DGKA: variants seen among roughly 807,000 people sequenced by gnomAD.
DGKA encodes 80 kDa diacylglycerol kinase.
Under a neutral mutation model 105.0 loss-of-function variants are expected in DGKA, and 35 were observed. The observed-to-expected ratio is 0.33, with a 90% CI of 0.25 to 0.44. The LOEUF (loss-of-function observed/expected upper bound fraction) is 0.44, where lower values mean the gene tolerates loss of function less well. Ranked by LOEUF, DGKA falls within the 20% of genes least tolerant of loss-of-function variation. The probability of loss-of-function intolerance (pLI) is 1.00; values close to 1 mark genes in which losing one functional copy is unlikely to be tolerated. For synonymous variants in DGKA, 296 were observed against 332.0 expected (o/e 0.89, Z 1.18); for missense variants, 665 against 915.0 (o/e 0.73, Z 3.53).
At chr12:55,941,946 G>A in intron 15 of DGKA, 52 bp from the exon 16 acceptor site, 1 of 1,590,410 alleles carries the variant, frequency 6.3e-7, no homozygotes, top group Non-Finnish European at 8.6e-7. Context: ...CAGGACTTGG[G>A]TAGCCTCAGT....
Position 55,940,271 on chromosome 12 carries a change from C to T in DGKA, c.799-43C>T. On this transcript the variant is annotated intron_variant, in intron 10 of 23. Transcript: ENST00000331886. The surrounding 1 kb of genome is among the most constrained non-coding windows in gnomAD (Gnocchi z 4.3). ...CCTCAGCCCCTCCCTCCCCTAGGTCCTGCTCAGACCCTGCCAGACAAGGAA... is the reference window on the plus strand; with the variant it reads ...CCTCAGCCCCTCCCTCCCCTAGGTCTTGCTCAGACCCTGCCAGACAAGGAA... 6.2e-7 allele frequency: 1 copy of T among 1,614,268 alleles called. No homozygotes were observed. Among genetic ancestry groups the T allele is most frequent in the Middle Eastern group, 1.6e-4 (1 of 6,062 alleles).
upstream of DGKA, chr12:55,929,306 G>A (rs1883263164): frequency 6.6e-6 from 1 of 152,214 alleles, no homozygotes; most frequent in Admixed American, 6.5e-5. Flanking sequence ...GTGAGAGTGT[G>A]GGATGAAGCC....
intron 22 of DGKA, 80 bp downstream of exon 22, chr12:55,953,240 G>A: frequency 1.9e-6 from 3 of 1,610,058 alleles, no homozygotes; most frequent in Non-Finnish European, 2.5e-6. Flanking sequence ...GGTGGGGAGG[G>A]GCTTTACTAG....
At chr12:55,929,430 C>T (rs564405676), upstream of DGKA, 2 of 152,364 alleles carry the variant, frequency 1.3e-5, no homozygotes, top group South Asian at 2.1e-4. Flanking sequence ...TAAAGTCGCC[C>T]CTGTTCACTA....
chr12:55,939,070 A>G, intron 7 of DGKA, 81 bp downstream of exon 7: 1 of 1,608,548 alleles, frequency 6.2e-7, no homozygotes, highest in Non-Finnish European at 8.5e-7. Flanking sequence ...CATCTCTGAC[A>G]GGCAACCTGG....
In DGKA at chr12:55,939,302, G is replaced by A. The variant is rs1411948472; in HGVS notation, c.591G>A (p.Glu197=). ...TVPLLVLLGL[E]MTLKDDGQHM... ...CACTGCTAGTGCTGCTGGGTCTGGAGATGGTGAGTAGGAGAGACTTTGGGG... is the reference window on the plus strand; with the variant it reads ...CACTGCTAGTGCTGCTGGGTCTGGAAATGGTGAGTAGGAGAGACTTTGGGG... Residue 197 remains glutamate, a synonymous_variant, in exon 8 of 24, where the codon GAG becomes GAA. Transcript: ENST00000331886. 1.2e-6 allele frequency: 2 copies of A among 1,613,952 alleles called. No homozygotes were observed. The highest frequency in any genetic ancestry group is 2.7e-5 in the African/African-American group (2 of 75,066).
At chr12:55,949,671 T>C (rs888417490) in intron 17 of DGKA, among the ~76,000 whole-genome samples, 4 of 152,232 alleles carry the variant, frequency 2.6e-5, no homozygotes, top group Non-Finnish European at 5.9e-5. Context: ...CAACCTGATA[T>C]GCAACAAAAG....
intron 1 of DGKA, chr12:55,936,035 G>C (rs1884623252): frequency 1.0e-6 from 1 of 995,360 alleles, no homozygotes. Flanking sequence ...GATGGGGAGA[G>C]TCTGCAGAGA....
At chr12:55,935,769 C>T (rs1884515714) in intron 1 of DGKA, 2 of 599,856 alleles carry the variant, frequency 3.3e-6, no homozygotes, top group African/African-American at 2.0e-5. Flanking sequence ...TAGTGGAGCT[C>T]CGCGGAACGC....
chr12:55,950,528 G>A (rs926618127), intron 17 of DGKA, among the ~76,000 whole-genome samples: 6 of 150,600 alleles, frequency 4.0e-5, no homozygotes, highest in East Asian at 2.0e-4. Flanking sequence ...GGATGGTCTC[G>A]ATCTCCTGAC....
rs1217404634 is a variant in DGKA, at chr12:55,951,963, A to G, written c.1588-72A>G. On this transcript the variant is annotated intron_variant, in intron 18 of 23. Coordinates refer to ENST00000331886, the MANE Select transcript of DGKA (RefSeq NM_001345.5). ...ACATGCTGTGGGGAGCAGCATGGGG[A>G]CTTGGGAAAGAGGGGAGACCGGGAG... is the stretch of plus-strand genomic sequence containing the variant. The G allele has an allele frequency of 5.1e-6, 8 of 1,577,868 alleles. No individual in the cohort carries two copies. In the Admixed American group the frequency reaches 1.3e-4, roughly 26 times the overall value.
chr12:55,945,663 C>T (rs1886842121), intron 17 of DGKA, among the ~76,000 whole-genome samples: 2 of 152,158 alleles, frequency 1.3e-5, no homozygotes, highest in African/African-American at 4.8e-5. Flanking sequence ...TCACTCCAAC[C>T]CCTGCTTCCA....
At chr12:55,944,058 G>T (rs145910384) in intron 17 of DGKA, among the ~76,000 whole-genome samples, 2,416 of 152,286 alleles carry the variant, frequency 0.016, 70 homozygotes, top group African/African-American at 0.055. Context: ...CACTTTGGGA[G>T]GCCAAGGTCA....
Position 55,932,362 on chromosome 12 carries a change from T to C in DGKA, c.-82+1018T>C. On this transcript the variant is annotated intron_variant, in intron 1 of 23. Transcript: ENST00000331886. The surrounding 1 kb of genome is among the most constrained non-coding windows in gnomAD (Gnocchi z 4.3). ...CTTCCCCTCCATCCCTCCCGCTCAT[T>C]CGGAGGGATGGTGAAGCCCGGTTCC... 2 of 592,844 alleles carry C rather than the reference T, an allele frequency of 3.4e-6. No homozygotes were observed. The highest frequency in any genetic ancestry group is 2.0e-5 in the South Asian group (1 of 51,062). The allele number at this position is 592,844 out of a possible 1,614,324, so 36.7% of individuals were successfully genotyped here.
chr12:55,944,520 A>AG (rs527485781), intron 17 of DGKA, among the ~76,000 whole-genome samples: 1 of 152,176 alleles, frequency 6.6e-6, no homozygotes, highest in African/African-American at 2.4e-5. Flanking sequence ...AGGTTCGAAG[A>AG]GGGGGGATTG....
At chr12:55,941,468 AC>A (rs762159287) in intron 14 of DGKA, 41 bp from the exon 15 acceptor site, 12 of 1,607,212 alleles carry the variant, frequency 7.5e-6, no homozygotes, top group South Asian at 1.1e-5. Context: ...ATCACCCCCA[AC>A]CCCCGCGCCT....
At position 55,941,195 on chromosome 12, in the gene DGKA, A is replaced by C. The variant is rs879053613; in HGVS notation, c.1102-57A>C. 16 of 1,561,680 alleles carry C rather than the reference A, an allele frequency of 1.0e-5. No homozygotes were observed. The South Asian group carries it at 1.7e-4, about 17-fold the overall frequency. On this transcript the variant is annotated intron_variant, in intron 13 of 23. Transcript: ENST00000331886. ...CCCTCTGCCCCTGTCTCCTGGGCCC[A>C]CCTTAACTCTGACAAAATCCTGCTT... is the stretch of plus-strand genomic sequence containing the variant.
intron 1 of DGKA, chr12:55,931,667 G>C (rs934053513): frequency 6.6e-6 from 1 of 152,520 alleles, no homozygotes; most frequent in African/African-American, 2.4e-5. Flanking sequence ...AATCAGGAGA[G>C]AATGAGACGT....
At position 55,940,689 on chromosome 12, in the gene DGKA, C is replaced by G; in HGVS notation, c.984C>G (p.Ile328Met). 1 of 1,608,046 alleles carries G rather than the reference C, an allele frequency of 6.2e-7. No homozygotes were observed. The highest frequency in any genetic ancestry group is 8.5e-7 in the Non-Finnish European group (1 of 1,178,350). The stretch of plus-strand genomic sequence containing the variant: ...ACTGTGGGCTGCTCCGGGATCACAT[C>G]CTGCCTCCATCTTCCATCTATCCCA... ...ECDCGLLRDH[I>M]LPPSSIYPSV... Residue 328 changes from isoleucine to methionine, a missense_variant, in exon 12 of 24, where the codon ATC becomes ATG. Ile to Met is a conservative substitution (Grantham distance 10). Coordinates refer to ENST00000331886, the MANE Select transcript of DGKA (RefSeq NM_001345.5). The surrounding 1 kb of genome is among the most constrained non-coding windows in gnomAD (Gnocchi z 4.3).
Sources: allele counts gnomAD v4.1 joint callset (sites outside exome capture counted in the v4.1 genomes callset), GRCh38; gene constraint gnomAD v4.1.1; non-coding constraint Gnocchi (gnomAD v3.1); transcripts MANE v1.5; gene names NCBI Gene and HGNC (gene_info 2026-07-23, HGNC 2026-07-21).